The following MOGAT1 variants were observed in gnomAD, a reference collection of about 807,000 sequenced individuals.
MOGAT1 encodes 2-acylglycerol O-acyltransferase 1.
Under a neutral mutation model 31.4 loss-of-function variants are expected in MOGAT1, and 32 were observed. The observed-to-expected ratio is 1.02, with a 90% confidence interval of 0.77 to 1.37. The LOEUF (loss-of-function observed/expected upper bound fraction) is 1.37, where lower values mean the gene tolerates loss of function less well. Ranked by LOEUF, MOGAT1 falls within the 40% of genes most tolerant of loss-of-function variation. MOGAT1 has a pLI of 0.00. For missense variants in MOGAT1, 426 were observed against 402.0 expected (o/e 1.06, Z -0.51); for synonymous variants, 145 against 144.5 (o/e 1.00, Z -0.03).
rs1553562912 is a variant in MOGAT1, at chr2:222,701,299, GGAGAGAGAGAGAGAGA to G, written c.853+6026_853+6041del. Among the ~76,000 whole-genome samples, 630 of 90,550 alleles carry G rather than the reference GGAGAGAGAGAGAGAGA, an allele frequency of 7.0e-3. 5 individuals are homozygous for G. The highest frequency in any genetic ancestry group is 0.025 in the African/African-American group (571 of 22,440). 59.4% of individuals were successfully genotyped at this position (90,550 alleles called of 152,430 possible). Reference sequence around the variant, plus strand: ...AAGAGAGAGAGAGAGAGGAGGAGGAGGAGAGAGAGAGAGAGAGAGAGAGAGAGAGATAAAAGGAATT... The same window carrying G: ...AAGAGAGAGAGAGAGAGGAGGAGGAGGAGAGAGAGAGAGATAAAAGGAATT... On this transcript the variant is annotated intron_variant, in intron 5 of 5. Transcript: ENST00000446656.
chr2:222,690,586 T>G (rs1371533993), intron 3 of MOGAT1, among the ~76,000 whole-genome samples: 1 of 152,074 alleles, frequency 6.6e-6, no homozygotes, highest in Non-Finnish European at 1.5e-5. Context: ...AAAAGAATTG[T>G]TCATGGTCCT....
intron 1 of MOGAT1, among the ~76,000 whole-genome samples, chr2:222,681,470 C>T (rs1411448186): frequency 6.6e-6 from 1 of 152,142 alleles, no homozygotes; most frequent in Non-Finnish European, 1.5e-5. Context: ...TGTTCCAAAG[C>T]ACAGGAGTTT....
chr2:222,701,314 G>GAT, intron 5 of MOGAT1, among the ~76,000 whole-genome samples: 1 of 148,030 alleles, frequency 6.8e-6, no homozygotes, highest in African/African-American at 2.6e-5. Context: ...GAGAGAGAGA[G>GAT]AGAGAGAGAG....
intron 5 of MOGAT1, 103 bp downstream of exon 5, chr2:222,695,391 C>A: frequency 1.5e-6 from 1 of 658,568 alleles, no homozygotes; most frequent in Non-Finnish European, 2.5e-6. Context: ...GTAAGAACTT[C>A]CTGAAACAAT....
chr2:222,705,114 T>C (rs901867222), intron 5 of MOGAT1, among the ~76,000 whole-genome samples: 5 of 152,210 alleles, frequency 3.3e-5, no homozygotes, highest in Admixed American at 6.5e-5. Flanking sequence ...TTTTAGACCA[T>C]AGAGGGTAAC....
chr2:222,707,519 ACCCAGC>A (rs1693024002), intron 5 of MOGAT1, among the ~76,000 whole-genome samples: 1 of 151,982 alleles, frequency 6.6e-6, no homozygotes, highest in Admixed American at 6.6e-5. Flanking sequence ...CTGGGACTAG[ACCCAGC>A]CCAGCCTTGT....
In MOGAT1 at chr2:222,695,234, G is replaced by C; in HGVS notation, c.799G>C (p.Val267Leu). Reference sequence around the variant, plus strand: ...TTTGCCCCTGTTTCATGCCAGGGGAGTTTTTCAGTACAATTTTGGCCTAAT... The same window carrying C: ...TTTGCCCCTGTTTCATGCCAGGGGACTTTTTCAGTACAATTTTGGCCTAAT... ...FALPLFHARGVFQYNFGLMTY... is the reference protein window; with the variant it reads ...FALPLFHARGLFQYNFGLMTY... Residue 267 changes from valine to leucine, a missense_variant, in exon 5 of 6, where the codon GTT becomes CTT. Coordinates refer to ENST00000446656, the MANE Select transcript of MOGAT1 (RefSeq NM_058165.3). 3 of 1,613,656 alleles carry C rather than the reference G, an allele frequency of 1.9e-6. No homozygotes were observed. The highest frequency in any genetic ancestry group is 2.5e-6 in the Non-Finnish European group (3 of 1,179,754).
intron 5 of MOGAT1, among the ~76,000 whole-genome samples, chr2:222,701,768 G>A (rs1692933953): frequency 6.6e-6 from 1 of 152,068 alleles, no homozygotes; most frequent in Non-Finnish European, 1.5e-5. Context: ...CTCCAGCGCT[G>A]GCCACATAGA....
intron 1 of MOGAT1, among the ~76,000 whole-genome samples, chr2:222,673,714 G>A (rs190427701): frequency 3.3e-5 from 5 of 152,136 alleles, no homozygotes; most frequent in South Asian, 4.1e-4. Context: ...CTTCCTAACC[G>A]ATCATTCAAC....
chr2:222,703,423 T>C (rs1692957915), intron 5 of MOGAT1, among the ~76,000 whole-genome samples: 1 of 152,188 alleles, frequency 6.6e-6, no homozygotes, highest in Non-Finnish European at 1.5e-5. Flanking sequence ...TGTTTGTTTG[T>C]TTGTTTTTAG....
intron 1 of MOGAT1, among the ~76,000 whole-genome samples, chr2:222,675,177 C>T (rs1216596346): frequency 1.3e-5 from 2 of 152,226 alleles, no homozygotes; most frequent in Non-Finnish European, 2.9e-5. Flanking sequence ...ACTTGTTCCT[C>T]TATCCCTTGT....
intron 1 of MOGAT1, among the ~76,000 whole-genome samples, chr2:222,683,205 GA>G (rs34380001): frequency 7.4e-4 from 99 of 133,870 alleles, no homozygotes; most frequent in South Asian, 9.8e-4. Context: ...CCCTGTCTCA[GA>G]AAAAAAAAAA....
intron 5 of MOGAT1, among the ~76,000 whole-genome samples, chr2:222,707,788 A>ATGTG (rs778656118): frequency 6.6e-6 from 1 of 152,160 alleles, no homozygotes; most frequent in Non-Finnish European, 1.5e-5. Flanking sequence ...GGATGTGTGT[A>ATGTG]TGTGTGTGTG....
chr2:222,696,828 C>T (rs1005303487), intron 5 of MOGAT1, among the ~76,000 whole-genome samples: 2 of 152,006 alleles, frequency 1.3e-5, no homozygotes, highest in Non-Finnish European at 2.9e-5. Flanking sequence ...ATGCCTGAGC[C>T]CAGGAGTTCG....
chr2:222,689,312 G>A lies in MOGAT1; in HGVS notation c.321G>A (p.Gly107=). The change falls in exon 3 of 6, where the codon GGG becomes GGA. Residue 107 remains glycine, a synonymous_variant. Transcript: ENST00000446656. ...ATCCAAGTCACAACTATATATTTGG[G>A]TTTCACCCCCATGGAATAATGGCAG... ...DLDPSHNYIF[G]FHPHGIMAVG... is the part of the protein sequence containing the mutation. 6.2e-7 allele frequency: 1 copy of A among 1,613,958 alleles called. No homozygotes were observed. Among genetic ancestry groups the A allele is most frequent in the Non-Finnish European group, 8.5e-7 (1 of 1,179,866 alleles).
intron 2 of MOGAT1, 29 bp from the exon 3 acceptor site, chr2:222,689,236 T>C: frequency 2.0e-6 from 3 of 1,535,518 alleles, no homozygotes; most frequent in Non-Finnish European, 2.6e-6. Context: ...GTTTCTTTTT[T>C]TTAAAATCTC....
chr2:222,678,877 G>T (rs1002103065), intron 1 of MOGAT1, among the ~76,000 whole-genome samples: 9 of 152,130 alleles, frequency 5.9e-5, no homozygotes, highest in African/African-American at 1.9e-4. Context: ...GGAGGTGGAG[G>T]TTGCAGTGAG....
chr2:222,708,414 T>C (rs1223709062), intron 5 of MOGAT1, among the ~76,000 whole-genome samples: 1 of 152,146 alleles, frequency 6.6e-6, no homozygotes, highest in Non-Finnish European at 1.5e-5. Flanking sequence ...TTGGCATCAG[T>C]AGCAGCATCC....
chr2:222,679,979 T>C (rs542703224), intron 1 of MOGAT1, among the ~76,000 whole-genome samples: 3 of 152,176 alleles, frequency 2.0e-5, no homozygotes, highest in African/African-American at 7.2e-5. Flanking sequence ...TCTTGTTCTG[T>C]TTTCTTTGTT....
Sources: gnomAD v4.1 joint callset for allele counts (sites outside exome capture counted in the v4.1 genomes callset) on GRCh38, gnomAD v4.1.1 for gene constraint, MANE v1.5 for transcripts, NCBI Gene and HGNC (gene_info 2026-07-23, HGNC 2026-07-21) for gene names.